Variants in RIMS1 observed in about 807,000 individuals in gnomAD.
RIMS1 encodes the protein regulating synaptic membrane exocytosis protein 1.
Under a neutral mutation model 214.1 loss-of-function variants are expected in RIMS1, and 83 were observed. That is an observed-to-expected ratio of 0.39 (90% CI 0.32 to 0.47). The LOEUF is 0.47. Ranked by LOEUF, RIMS1 falls within the 20% of genes least tolerant of loss-of-function variation. The pLI is 0.99. For synonymous variants in RIMS1, 793 were observed against 786.8 expected (o/e 1.01, Z -0.13); for missense variants, 2,050 against 2,161.8 (o/e 0.95, Z 1.03).
At chr6:72,068,151 C>T (rs1474967138) in intron 2 of RIMS1, among the ~76,000 whole-genome samples, 1 of 149,126 alleles carries the variant, frequency 6.7e-6, no homozygotes, top group African/African-American at 2.4e-5. Context: ...GGGCAGGGGA[C>T]CAATTTTTTT....
chr6:72,282,672 G>T (rs2090718042), intron 23 of RIMS1, among the ~76,000 whole-genome samples: 1 of 152,048 alleles, frequency 6.6e-6, no homozygotes. Context: ...CTTTCCCTGA[G>T]CCTGTTTCTT....
intron 4 of RIMS1, among the ~76,000 whole-genome samples, chr6:72,110,773 C>G (rs2035914661): frequency 6.6e-6 from 1 of 152,096 alleles, no homozygotes; most frequent in Admixed American, 6.6e-5. Context: ...GCATCCCTGT[C>G]TTGTGCCAGT....
chr6:72,356,727 T>C (rs2097659891), intron 29 of RIMS1, among the ~76,000 whole-genome samples: 1 of 151,666 alleles, frequency 6.6e-6, no homozygotes, highest in Non-Finnish European at 1.5e-5. Flanking sequence ...GCCACTATAC[T>C]CCAGCCTGGG....
At chr6:72,377,116 C>A (rs1239444360) in intron 29 of RIMS1, among the ~76,000 whole-genome samples, 1 of 152,182 alleles carries the variant, frequency 6.6e-6, no homozygotes, top group African/African-American at 2.4e-5. Flanking sequence ...GGTCACATTT[C>A]AATTTAGAAT....
chr6:71,923,956 CTT>C (rs1780802256), intron 1 of RIMS1, among the ~76,000 whole-genome samples: 3 of 152,164 alleles, frequency 2.0e-5, no homozygotes, highest in African/African-American at 2.4e-5. Context: ...TGATTCTACT[CTT>C]GTTTTGGTAA....
rs1590420617 is a variant in RIMS1 at position 72,247,923 on chromosome 6, A to G, written c.2129-92A>G. The G allele has an allele frequency of 6.2e-6, 5 of 810,866 alleles. No homozygotes were observed. In the East Asian group the frequency reaches 1.3e-4, roughly 21 times the overall value. The allele number at this position is 810,866 out of a possible 1,614,324, so 50.2% of individuals were successfully genotyped here. Reference sequence around the variant, plus strand: ...GGTTCTGTTATCAGTGATAGTAATTATGGTTTTATACAAATAAAGGATGCA... The same window carrying G: ...GGTTCTGTTATCAGTGATAGTAATTGTGGTTTTATACAAATAAAGGATGCA... On this transcript the variant is annotated intron_variant, in intron 11 of 33. Coordinates refer to ENST00000521978, the MANE Select transcript of RIMS1 (RefSeq NM_014989.7).
intron 2 of RIMS1, among the ~76,000 whole-genome samples, chr6:72,033,025 G>A (rs1433934674): frequency 6.6e-6 from 1 of 152,186 alleles, no homozygotes; most frequent in African/African-American, 2.4e-5. Context: ...TTGCAGAGGA[G>A]GGACACTGGA....
chr6:72,185,999 A>G (rs755740523), intron 6 of RIMS1, among the ~76,000 whole-genome samples: 1 of 152,200 alleles, frequency 6.6e-6, no homozygotes, highest in Non-Finnish European at 1.5e-5. Flanking sequence ...TTCCTTAATA[A>G]CTTTTCTTTT....
chr6:72,346,059 G>A (rs531170160), intron 29 of RIMS1, among the ~76,000 whole-genome samples: 1 of 151,666 alleles, frequency 6.6e-6, no homozygotes, highest in Non-Finnish European at 1.5e-5. Flanking sequence ...AAAAGTTAAA[G>A]GTCCTTTTTG....
intron 1 of RIMS1, among the ~76,000 whole-genome samples, chr6:71,926,796 A>G (rs975187104): frequency 3.3e-5 from 5 of 152,188 alleles, no homozygotes; most frequent in African/African-American, 9.6e-5. Flanking sequence ...CATAGGTACG[A>G]TTCATGATAT....
chr6:72,125,560 AC>A (rs1027972691), intron 4 of RIMS1, among the ~76,000 whole-genome samples: 2 of 152,154 alleles, frequency 1.3e-5, no homozygotes, highest in Non-Finnish European at 2.9e-5. Context: ...AGTTTCTACT[AC>A]CTTTTGTTCA....
intron 1 of RIMS1, among the ~76,000 whole-genome samples, chr6:71,892,813 C>T (rs1345102748): frequency 6.6e-6 from 1 of 152,104 alleles, no homozygotes; most frequent in Non-Finnish European, 1.5e-5. Context: ...CTGCTTACAG[C>T]CCAATGTTGG....
At chr6:72,201,726 T>C (rs1310839728) in intron 6 of RIMS1, among the ~76,000 whole-genome samples, 1 of 152,210 alleles carries the variant, frequency 6.6e-6, no homozygotes, top group Non-Finnish European at 1.5e-5. Flanking sequence ...CTGTCTGCAG[T>C]CTGGGCTCAA....
In RIMS1 at chr6:71,975,479, C is replaced by T. The variant is rs149330416; in HGVS notation, c.245+6416C>T. Among the ~76,000 whole-genome samples the T allele has an allele frequency of 7.5e-4, 114 of 152,234 alleles. 2 individuals carry two copies. The highest frequency in any genetic ancestry group is 2.7e-3 in the African/African-American group (113 of 41,560). On this transcript the variant is annotated intron_variant, in intron 2 of 33. Transcript: ENST00000521978. ...ATGTTTGCTTTTCTGTGGAAGGTGA[C>T]ATTATCAGGAGTAAATTGAATCATG...
At chr6:71,967,292 G>A (rs1463232294) in intron 1 of RIMS1, among the ~76,000 whole-genome samples, 1 of 152,138 alleles carries the variant, frequency 6.6e-6, no homozygotes, top group Non-Finnish European at 1.5e-5. Flanking sequence ...GGAGGCTGAG[G>A]CAGGAGAATG....
At chr6:72,374,342 A>G (rs1053238585) in intron 29 of RIMS1, among the ~76,000 whole-genome samples, 14 of 152,312 alleles carry the variant, frequency 9.2e-5, no homozygotes, top group African/African-American at 3.4e-4. Context: ...TACCTATTCT[A>G]ACCACAGTCA....
intron 29 of RIMS1, among the ~76,000 whole-genome samples, chr6:72,341,631 G>A (rs953867610): frequency 1.3e-5 from 2 of 151,726 alleles, no homozygotes; most frequent in Non-Finnish European, 2.9e-5. Flanking sequence ...CATTTACACT[G>A]GAAGGAAATC....
rs1795168431 is a variant in RIMS1 at position 71,969,073 on chromosome 6, G to A, written c.245+10G>A. The A allele has an allele frequency of 1.9e-6, 3 of 1,613,384 alleles. No homozygotes were observed. Among genetic ancestry groups the A allele is most frequent in the African/African-American group, 1.3e-5 (1 of 75,018 alleles). ...CCCACCAACCTTCACCGTGAGTATG[G>A]CATTGGTTTTATTGACTGAAAATGT... On this transcript the variant is annotated intron_variant, in intron 2 of 33. Transcript: ENST00000521978.
At position 72,189,072 on chromosome 6, in the gene RIMS1, A is replaced by G. The variant is rs995727974; in HGVS notation, c.1678+5923A>G. ...AATGTTATGGGAACAGGAAGCAAAA[A>G]TTTTGCTAGTGGGTCTCTAGGGATG... is the stretch of plus-strand genomic sequence containing the variant. On this transcript the variant is annotated intron_variant, in intron 6 of 33. Transcript: ENST00000521978. Among the ~76,000 whole-genome samples, 147 of 152,198 alleles carry G rather than the reference A, an allele frequency of 9.7e-4. 2 individuals are homozygous for G. Among genetic ancestry groups the G allele is most frequent in the Non-Finnish European group, 3.7e-4 (25 of 68,010 alleles).
Sources: allele counts gnomAD v4.1 joint callset (sites outside exome capture counted in the v4.1 genomes callset), GRCh38; gene constraint gnomAD v4.1.1; transcripts MANE v1.5; gene names NCBI Gene and HGNC (gene_info 2026-07-23, HGNC 2026-07-21).